Variants in SYNM observed in about 807,000 individuals in gnomAD.
The protein encoded by SYNM is desmuslin.
In SYNM, 95 loss-of-function variants were observed where a neutral mutation model predicts 104.0. That is an observed-to-expected ratio of 0.91 (90% CI 0.77 to 1.08). SYNM has a LOEUF of 1.08. Among genes scored for constraint, SYNM ranks in the 50% least tolerant of loss-of-function variants. SYNM has a pLI of 0.00. For synonymous variants in SYNM, 918 were observed against 869.0 expected, an observed-to-expected ratio of 1.06 and a Z score of -0.99; for missense variants, 2,150 against 2,052.2, an observed-to-expected ratio of 1.05 and a Z score of -0.92.
Position 99,115,468 on chromosome 15 carries a change from TA to T in SYNM, c.935+1754del, listed in dbSNP as rs201208912. On this transcript the variant is annotated intron_variant, in intron 2 of 3. Coordinates refer to ENST00000336292, the MANE Select transcript of SYNM (RefSeq NM_145728.3). ...AATTTTAATTTTATTTATTTTATTC[TA>T]TTTTTTTTTTTTTGAGATGGAGTCT... Among the ~76,000 whole-genome samples, 305 of 64,654 alleles carry T rather than the reference TA, an allele frequency of 4.7e-3. 6 individuals carry two copies. The highest frequency in any genetic ancestry group is 0.019 in the African/African-American group (286 of 15,136). 42.4% of individuals were successfully genotyped at this position (64,654 alleles called of 152,430 possible).
Position 99,105,874 on chromosome 15 carries a change from A to AGAGACGCGGCTGTGCGCGCAG in SYNM, c.679_699dup (p.Thr227_Glu233dup). The stretch of plus-strand genomic sequence containing the variant: ...AGGAGAGCAGACTCCAGGCGGAGGA[A>AGAGACGCGGCTGTGCGCGCAG]GAGACGCGGCTGTGCGCGCAGGAGG... On this transcript the variant is annotated inframe_insertion, in exon 1 of 4. Coordinates refer to ENST00000336292, the MANE Select transcript of SYNM (RefSeq NM_145728.3). 5 of 1,539,280 alleles carry AGAGACGCGGCTGTGCGCGCAG rather than the reference A, an allele frequency of 3.2e-6. No homozygotes were observed. The highest frequency in any genetic ancestry group is 3.5e-6 in the Non-Finnish European group (4 of 1,145,704).
At position 99,130,564 on chromosome 15, in the gene SYNM, A is replaced by G; in HGVS notation, c.2204A>G (p.Lys735Arg). 6.2e-7 allele frequency: 1 copy of G among 1,613,784 alleles called. No homozygotes were observed. Among genetic ancestry groups the G allele is most frequent in the South Asian group, 1.1e-5 (1 of 91,012 alleles). ...MIGDIINLGL[K>R]GREGRAKVVN... is the part of the protein sequence containing the mutation. ...GGAGACATCATCAACCTCGGCCTGA[A>G]AGGGAGGGAGGGGAGAGCAAAGGTC... Residue 735 changes from lysine to arginine, a missense_variant, in exon 4 of 4, where the codon AAA becomes AGA. Coordinates refer to ENST00000336292, the MANE Select transcript of SYNM (RefSeq NM_145728.3).
At chr15:99,107,943 TTTG>T (rs2067263538) in intron 1 of SYNM, among the ~76,000 whole-genome samples, 12 of 126,648 alleles carry the variant, frequency 9.5e-5, no homozygotes, top group East Asian at 4.6e-4. Context: ...TTTTTTGTTT[TTTG>T]TTTTGTTTTT....
In SYNM at chr15:99,132,877, A is replaced by C. The variant is rs782005719; in HGVS notation, c.4517A>C (p.Lys1506Thr). The C allele has an allele frequency of 6.2e-7, 1 of 1,613,928 alleles. No individual in the cohort carries two copies. The highest frequency in any genetic ancestry group is 1.1e-5 in the South Asian group (1 of 91,046). ...GACCAGGCAGTTGGTGTGAGCTTTA[A>C]GGCCTCTGCTGGGGAAGGAGACCAG... ...RNDQAVGVSF[K>T]ASAGEGDQAH... The change falls in exon 4 of 4, where the codon AAG (lysine) becomes ACG (threonine). Residue 1506 changes from lysine to threonine, a missense_variant. Coordinates refer to ENST00000336292, the MANE Select transcript of SYNM (RefSeq NM_145728.3).
chr15:99,125,607 G>A (rs2067440014), intron 2 of SYNM, among the ~76,000 whole-genome samples: 1 of 152,236 alleles, frequency 6.6e-6, no homozygotes, highest in Admixed American at 6.5e-5. Flanking sequence ...TCAACAGATG[G>A]AAATACAACT....
chr15:99,131,043 G>C lies in SYNM; in HGVS notation c.2683G>C (p.Ala895Pro). 1.2e-6 allele frequency: 2 copies of C among 1,609,634 alleles called. No individual in the cohort carries two copies. Among genetic ancestry groups the C allele is most frequent in the Non-Finnish European group, 1.7e-6 (2 of 1,177,858 alleles). ...EKVVKPLDVP[A>P]PSLEGDLGST... is the part of the protein sequence containing the mutation. ...GGTTGTGAAGCCCTTGGATGTCCCA[G>C]CGCCCTCTCTGGAGGGGGACCTGGG... Residue 895 changes from alanine to proline, a missense_variant, in exon 4 of 4, where the codon GCG becomes CCG. Coordinates refer to ENST00000336292, the MANE Select transcript of SYNM (RefSeq NM_145728.3). The surrounding 1 kb of genome is among the most constrained non-coding windows in gnomAD (Gnocchi z 4.3).
Position 99,116,801 on chromosome 15 carries a change from C to T in SYNM, c.935+3086C>T, listed in dbSNP as rs184902726. On this transcript the variant is annotated intron_variant, in intron 2 of 3. Coordinates refer to ENST00000336292, the MANE Select transcript of SYNM (RefSeq NM_145728.3). ...TCCTGATTCTCCTGCCTCAGCCTCC[C>T]GAGTAGCTGGGACTACAGGCACCTG... Among the ~76,000 whole-genome samples, 19 of 143,748 alleles carry T rather than the reference C, an allele frequency of 1.3e-4. 2 individuals are homozygous for T. The highest frequency in any genetic ancestry group is 4.2e-4 in the African/African-American group (17 of 40,326). 94.3% of individuals were successfully genotyped at this position (143,748 alleles called of 152,430 possible). A position where few individuals can be genotyped will look rare whatever the true frequency, so the allele number is the denominator to read the frequency against.
At chr15:99,107,956 TTTTTTGGTTTTGG>T (rs2067264653) in intron 1 of SYNM, among the ~76,000 whole-genome samples, 2 of 130,784 alleles carry the variant, frequency 1.5e-5, no homozygotes, top group African/African-American at 7.0e-5. Context: ...GTTTTGTTTT[TTTTTTGGTTTTGG>T]TTTTGGTTTT....
downstream of SYNM, chr15:99,138,272 C>T: frequency 2.1e-6 from 2 of 965,646 alleles, no homozygotes; most frequent in South Asian, 1.8e-5. Context: ...AATTGTAGCA[C>T]AGAGCATAAA....
Position 99,131,709 on chromosome 15 carries a change from C to A in SYNM, c.3349C>A (p.Leu1117Met), listed in dbSNP as rs1555485961. Residue 1117 changes from leucine (L) to methionine (M), a missense_variant, in exon 4 of 4, where the codon CTG becomes ATG. Coordinates refer to ENST00000336292, the MANE Select transcript of SYNM (RefSeq NM_145728.3). The surrounding 1 kb of genome is among the most constrained non-coding windows in gnomAD (Gnocchi z 4.3). The stretch of plus-strand genomic sequence containing the variant: ...CACAGGCTTTGCCCAGTCACAGGTG[C>A]TGGAGGATGTGAGCCAGGCTGCAAG... ...SPTGFAQSQV[L>M]EDVSQAARHI... is the part of the protein sequence containing the mutation. 6.2e-7 allele frequency: 1 copy of A among 1,613,598 alleles called. No individual in the cohort carries two copies. The highest frequency in any genetic ancestry group is 2.2e-5 in the East Asian group (1 of 44,886).
chr15:99,109,451 A>G (rs927609944), intron 1 of SYNM, among the ~76,000 whole-genome samples: 2 of 152,108 alleles, frequency 1.3e-5, no homozygotes, highest in Non-Finnish European at 2.9e-5. Flanking sequence ...CCCCCAAAAC[A>G]TGATTGAATG....
chr15:99,112,291 A>G (rs1471209069), intron 1 of SYNM, among the ~76,000 whole-genome samples: 5 of 152,354 alleles, frequency 3.3e-5, no homozygotes, highest in African/African-American at 7.2e-5. Context: ...AAATAATGCT[A>G]CTTCCCATTA....
chr15:99,129,518 G>C lies in SYNM; in HGVS notation c.1158G>C (p.Thr386=), dbSNP rs372221449. 1 of 1,613,946 alleles carries C rather than the reference G, an allele frequency of 6.2e-7. No homozygotes were observed. The highest frequency in any genetic ancestry group is 1.3e-5 in the African/African-American group (1 of 75,008). ...SNLSGHRGSQ[T]GTSIGGDARR... is the part of the protein sequence containing the mutation. ...TGTCAGGGCACCGTGGATCTCAGAC[G>C]GGCACATCTATTGGAGGTGATGCCA... Residue 386 remains threonine, a synonymous_variant, in exon 4 of 4, where the codon ACG becomes ACC. Transcript: ENST00000336292.
chr15:99,113,684 A>G lies in SYNM; in HGVS notation c.904A>G (p.Thr302Ala). 1 of 1,613,582 alleles carries G rather than the reference A, an allele frequency of 6.2e-7. No homozygotes were observed. Among genetic ancestry groups the G allele is most frequent in the Non-Finnish European group, 8.5e-7 (1 of 1,179,740 alleles). ...RDYQDLLQVK[T>A]GLSLEVATYR... ...CTATCAGGACCTCCTGCAGGTGAAG[A>G]CCGGCCTCAGTCTGGAGGTGGCGAC... Residue 302 changes from threonine (T) to alanine (A), a missense_variant, in exon 2 of 4, where the codon ACC (threonine) becomes GCC (alanine). Coordinates refer to ENST00000336292, the MANE Select transcript of SYNM (RefSeq NM_145728.3).
intron 2 of SYNM, among the ~76,000 whole-genome samples, chr15:99,117,819 C>A (rs915615223): frequency 6.6e-6 from 1 of 151,682 alleles, no homozygotes; most frequent in Non-Finnish European, 1.5e-5. Flanking sequence ...TTCAGGGCAT[C>A]GATCGCGAGC....
At chr15:99,123,170 C>T (rs1377476339) in intron 2 of SYNM, among the ~76,000 whole-genome samples, 3 of 152,162 alleles carry the variant, frequency 2.0e-5, no homozygotes, top group Non-Finnish European at 2.9e-5. Context: ...TGGGTTTGAG[C>T]GGCCTGCCAG....
intron 2 of SYNM, among the ~76,000 whole-genome samples, chr15:99,125,879 A>C (rs993740145): frequency 3.3e-5 from 5 of 152,178 alleles, no homozygotes; most frequent in Admixed American, 3.3e-4. Context: ...TCCCGGTGCT[A>C]AGCCCCTCGC....
chr15:99,122,461 G>T (rs1388561395), intron 2 of SYNM, among the ~76,000 whole-genome samples: 1 of 151,802 alleles, frequency 6.6e-6, no homozygotes, highest in African/African-American at 2.4e-5. Flanking sequence ...ACCTTTTTTT[G>T]GAAGACTTAT....
downstream of SYNM, among the ~76,000 whole-genome samples, chr15:99,138,918 C>T (rs536445995): frequency 3.9e-4 from 60 of 152,296 alleles, 1 homozygote; most frequent in Admixed American, 1.3e-3. Flanking sequence ...TGAGAAAGGA[C>T]GTAGGGGCCA....
Sources: gnomAD v4.1 joint callset for allele counts (sites outside exome capture counted in the v4.1 genomes callset) on GRCh38, gnomAD v4.1.1 for gene constraint, Gnocchi (gnomAD v3.1) non-coding constraint, MANE v1.5 for transcripts, NCBI Gene and HGNC (gene_info 2026-07-23, HGNC 2026-07-21) for gene names.